The following PRKG1 variants were observed in gnomAD, a reference collection of about 807,000 sequenced individuals.
PRKG1 encodes the protein protein kinase cGMP-dependent 1.
PRKG1 carries 35 observed loss-of-function variants against 88.1 expected under a neutral mutation model. The ratio of observed to expected loss-of-function variants is 0.40; its 90% CI spans 0.30 to 0.53. The LOEUF (loss-of-function observed/expected upper bound fraction) is 0.53, where lower values mean the gene tolerates loss of function less well. PRKG1 is among the 20% of genes least tolerant of loss of function. PRKG1 has a pLI of 0.59. For synonymous variants in PRKG1, 303 were observed against 292.5 expected, an observed-to-expected ratio of 1.04 and a Z score of -0.37; for missense variants, 540 against 839.8, an observed-to-expected ratio of 0.64 and a Z score of 4.41.
At chr10:51,048,678 T>G (rs1231071718) in intron 1 of PRKG1, among the ~76,000 whole-genome samples, 1 of 152,140 alleles carries the variant, frequency 6.6e-6, no homozygotes, top group South Asian at 2.1e-4. Flanking sequence ...GCATTAGTAT[T>G]CAATTAGACA....
At chr10:51,358,319 C>G (rs1189304) in intron 2 of PRKG1, among the ~76,000 whole-genome samples, 103,815 of 151,714 alleles carry the variant, frequency 0.68, 36,109 homozygotes, top group African/African-American at 0.78. Context: ...AGCCTCAAAA[C>G]TCACACACTA....
intron 9 of PRKG1, among the ~76,000 whole-genome samples, chr10:52,215,391 T>A (rs1341283507): frequency 7.1e-5 from 9 of 127,570 alleles, no homozygotes; most frequent in African/African-American, 2.4e-4. Context: ...CAAAACTCCA[T>A]CTCAAAAAAA....
At chr10:51,457,930 T>C (rs1839632994) in intron 2 of PRKG1, among the ~76,000 whole-genome samples, 1 of 152,190 alleles carries the variant, frequency 6.6e-6, no homozygotes, top group South Asian at 2.1e-4. Flanking sequence ...GCAAGTCCTC[T>C]CACCCCCAAC....
At chr10:51,349,285 C>T (rs1035067891) in intron 2 of PRKG1, among the ~76,000 whole-genome samples, 12 of 152,080 alleles carry the variant, frequency 7.9e-5, no homozygotes, top group African/African-American at 1.2e-4. Context: ...GGCCAGTGAC[C>T]TATTGTCAAG....
intron 3 of PRKG1, among the ~76,000 whole-genome samples, chr10:51,601,145 A>T (rs1838588361): frequency 6.6e-6 from 1 of 152,150 alleles, no homozygotes; most frequent in South Asian, 2.1e-4. Flanking sequence ...AGAATAAAGT[A>T]GGCATTCTGA....
chr10:51,653,140 C>T (rs927791976), intron 3 of PRKG1, among the ~76,000 whole-genome samples: 1 of 152,160 alleles, frequency 6.6e-6, no homozygotes, highest in Non-Finnish European at 1.5e-5. Context: ...GATTCCATAT[C>T]TTAGCTTTTG....
intron 5 of PRKG1, among the ~76,000 whole-genome samples, chr10:51,960,264 A>G (rs756053310): frequency 3.3e-5 from 5 of 152,084 alleles, no homozygotes; most frequent in Non-Finnish European, 5.9e-5. Flanking sequence ...CTGCTCTAAC[A>G]GGCACTTGAG....
chr10:51,948,795 T>C (rs535880526), intron 5 of PRKG1, among the ~76,000 whole-genome samples: 20 of 152,238 alleles, frequency 1.3e-4, no homozygotes, highest in African/African-American at 4.8e-4. Context: ...TGGAAATAGA[T>C]TCATATATCT....
chr10:51,421,081 A>G (rs1838400974), intron 2 of PRKG1, among the ~76,000 whole-genome samples: 2 of 152,196 alleles, frequency 1.3e-5, no homozygotes, highest in Non-Finnish European at 2.9e-5. Flanking sequence ...TCCAAACTAT[A>G]TCACAAGTCT....
Position 51,722,239 on chromosome 10 carries a change from A to C in PRKG1, c.593-82346A>C, listed in dbSNP as rs189275092. ...GCAAGACTCTATCTCAAAAAAAAAAAAACAACAACATAGTTTTCAATTATG... is the reference window on the plus strand; with the variant it reads ...GCAAGACTCTATCTCAAAAAAAAAACAACAACAACATAGTTTTCAATTATG... On this transcript the variant is annotated intron_variant, in intron 3 of 17. Transcript: ENST00000373980. Among the ~76,000 whole-genome samples the C allele has an allele frequency of 9.2e-3, 1,404 of 152,064 alleles. 22 individuals carry two copies. The highest frequency in any genetic ancestry group is 0.031 in the African/African-American group (1,298 of 41,482).
chr10:51,993,794 G>T (rs1318819514), intron 5 of PRKG1, among the ~76,000 whole-genome samples: 1 of 152,140 alleles, frequency 6.6e-6, no homozygotes, highest in Non-Finnish European at 1.5e-5. Flanking sequence ...TTGACTTCAA[G>T]CTTCCCATTT....
chr10:51,450,850 T>TA (rs78144019), intron 2 of PRKG1, among the ~76,000 whole-genome samples: 3,328 of 138,412 alleles, frequency 0.024, 82 homozygotes, highest in Middle Eastern at 0.059. Flanking sequence ...TAACAAAAAT[T>TA]AAAAAAAAAA....
At chr10:51,613,013 G>T (rs1564572969) in intron 3 of PRKG1, among the ~76,000 whole-genome samples, 1 of 151,856 alleles carries the variant, frequency 6.6e-6, no homozygotes, top group Admixed American at 6.6e-5. Flanking sequence ...TGTTGGATTT[G>T]GTTTGCTAGT....
chr10:51,052,415 T>A (rs1241080487), intron 1 of PRKG1, among the ~76,000 whole-genome samples: 4 of 152,216 alleles, frequency 2.6e-5, no homozygotes, highest in African/African-American at 9.6e-5. Context: ...GAATATTCTT[T>A]TTTTGAATAC....
chr10:52,137,712 GA>G (rs1283546192), intron 8 of PRKG1, among the ~76,000 whole-genome samples: 1 of 151,898 alleles, frequency 6.6e-6, no homozygotes, highest in Admixed American at 6.6e-5. Context: ...GAAATTACGA[GA>G]AAAAAATTCT....
chr10:51,602,036 T>G (rs1838620418), intron 3 of PRKG1, among the ~76,000 whole-genome samples: 2 of 152,096 alleles, frequency 1.3e-5, no homozygotes, highest in Admixed American at 1.3e-4. Flanking sequence ...GTCTCATGTC[T>G]CTTCGGCCCT....
intron 2 of PRKG1, among the ~76,000 whole-genome samples, chr10:51,417,402 A>G (rs1838271226): frequency 6.6e-6 from 1 of 152,232 alleles, no homozygotes; most frequent in Non-Finnish European, 1.5e-5. Flanking sequence ...AAAGATGAAG[A>G]ATATGAAAGA....
Position 51,078,712 on chromosome 10 carries a change from G to A in PRKG1, c.311+3811G>A, listed in dbSNP as rs561384053. 1.2e-3 allele frequency among the ~76,000 whole-genome samples: 189 copies of A among 151,804 alleles called. 1 individual carries two copies. The highest frequency in any genetic ancestry group is 4.5e-3 in the African/African-American group (185 of 41,392). ...GCTCACTGCAAGCTCTGCCTCCCGG[G>A]TTCACACCATTCTCTTGCCTCAGCC... On this transcript the variant is annotated intron_variant, in intron 1 of 17. Transcript: ENST00000373980.
intron 3 of PRKG1, among the ~76,000 whole-genome samples, chr10:51,499,001 A>C (rs1228765978): frequency 6.6e-6 from 1 of 152,130 alleles, no homozygotes; most frequent in Non-Finnish European, 1.5e-5. Context: ...GAAACTAGTC[A>C]TGACTCTGTT....
Sources: gnomAD v4.1 joint callset for allele counts (sites outside exome capture counted in the v4.1 genomes callset) on GRCh38, gnomAD v4.1.1 for gene constraint, MANE v1.5 for transcripts, NCBI Gene and HGNC (gene_info 2026-07-23, HGNC 2026-07-21) for gene names.